Variants in PRKACB observed in about 807,000 individuals in gnomAD.
PRKACB encodes cAMP-dependent protein kinase catalytic subunit beta.
In PRKACB, 16 loss-of-function variants were observed where a neutral mutation model predicts 51.4. The observed-to-expected ratio is 0.31, with a 90% CI of 0.21 to 0.47. The LOEUF is 0.47. Ranked by LOEUF, PRKACB falls within the 20% of genes least tolerant of loss-of-function variation. PRKACB has a pLI of 1.00. For synonymous variants in PRKACB, 147 were observed against 154.4 expected, an observed-to-expected ratio of 0.95 and a Z score of 0.35; for missense variants, 309 against 464.5, an observed-to-expected ratio of 0.67 and a Z score of 3.08.
intron 1 of PRKACB, among the ~76,000 whole-genome samples, chr1:84,152,035 A>G (rs1654913274): frequency 6.6e-6 from 1 of 152,200 alleles, no homozygotes; most frequent in Admixed American, 6.5e-5. Flanking sequence ...GCCTTATAAA[A>G]TATATTTCTT....
chr1:84,165,406 TATTAG>T (rs1353595004), intron 1 of PRKACB, among the ~76,000 whole-genome samples: 2 of 151,824 alleles, frequency 1.3e-5, no homozygotes, highest in Non-Finnish European at 2.9e-5. Flanking sequence ...TGCTAATTTT[TATTAG>T]ATTATTTTTA....
Position 84,097,055 on chromosome 1 carries a change from G to A in PRKACB, c.46+18684G>A, listed in dbSNP as rs572271994. 2.6e-5 allele frequency among the ~76,000 whole-genome samples: 4 copies of A among 152,130 alleles called. No homozygotes were observed. In the South Asian group the frequency reaches 8.3e-4, roughly 32 times the overall value. ...AACATTGTTTGCAAAATTTAGTCCT[G>A]TTGCTGAAGGTAGGGTTCTTTACTT... On this transcript the variant is annotated intron_variant, in intron 1 of 8. Transcript: ENST00000370688.
intron 1 of PRKACB, among the ~76,000 whole-genome samples, chr1:84,125,786 A>G (rs893829891): frequency 6.6e-6 from 1 of 152,216 alleles, no homozygotes; most frequent in African/African-American, 2.4e-5. Flanking sequence ...TCAGACTCAT[A>G]TTCAGCTATC....
intron 9 of PRKACB, among the ~76,000 whole-genome samples, chr1:84,214,630 C>T (rs1349277893): frequency 2.6e-5 from 4 of 151,670 alleles, no homozygotes; most frequent in African/African-American, 4.8e-5. Flanking sequence ...GTAGCTGGGA[C>T]TATGGGTGCA....
intron 8 of PRKACB, among the ~76,000 whole-genome samples, chr1:84,205,869 C>T (rs1297394256): frequency 1.3e-5 from 2 of 151,966 alleles, no homozygotes; most frequent in African/African-American, 4.8e-5. Flanking sequence ...AGGTTTGAGT[C>T]TACAAATTCA....
intron 1 of PRKACB, among the ~76,000 whole-genome samples, chr1:84,088,722 TA>T (rs938275003): frequency 3.9e-5 from 6 of 152,298 alleles, no homozygotes; most frequent in African/African-American, 1.4e-4. Flanking sequence ...AACATTCACT[TA>T]TTTGTCTTTC....
At chr1:84,186,949 C>T (rs928574852) in intron 5 of PRKACB, among the ~76,000 whole-genome samples, 3 of 152,116 alleles carry the variant, frequency 2.0e-5, no homozygotes, top group African/African-American at 7.2e-5. Flanking sequence ...GGACAGCTGC[C>T]TTTACAAAGA....
chr1:84,170,105 G>A (rs763832868), intron 1 of PRKACB, among the ~76,000 whole-genome samples: 1 of 151,600 alleles, frequency 6.6e-6, no homozygotes, highest in Non-Finnish European at 1.5e-5. Context: ...AAAAATTGAA[G>A]TGGTAAATGA....
At chr1:84,153,538 T>C (rs973441258) in intron 1 of PRKACB, among the ~76,000 whole-genome samples, 2 of 152,174 alleles carry the variant, frequency 1.3e-5, no homozygotes, top group Non-Finnish European at 2.9e-5. Flanking sequence ...TTGTACCCTT[T>C]AGCCAACATC....
chr1:84,183,321 C>T (rs1336063085), intron 3 of PRKACB, among the ~76,000 whole-genome samples: 1 of 151,934 alleles, frequency 6.6e-6, no homozygotes, highest in East Asian at 1.9e-4. Flanking sequence ...CTTTCCCCTT[C>T]TATTAAATAG....
chr1:84,156,280 C>T (rs944963348), intron 1 of PRKACB, among the ~76,000 whole-genome samples: 7 of 152,070 alleles, frequency 4.6e-5, no homozygotes, highest in Admixed American at 4.6e-4. Context: ...CAAGCATGAA[C>T]ATATAAGCTA....
chr1:84,146,229 A>G (rs933779232), intron 1 of PRKACB, among the ~76,000 whole-genome samples: 7 of 151,896 alleles, frequency 4.6e-5, no homozygotes, highest in Non-Finnish European at 8.9e-5. Flanking sequence ...GCTGCAAATA[A>G]TATGCATGAT....
At chr1:84,133,752 G>A (rs1278655636) in intron 1 of PRKACB, among the ~76,000 whole-genome samples, 2 of 152,216 alleles carry the variant, frequency 1.3e-5, no homozygotes, top group Non-Finnish European at 2.9e-5. Flanking sequence ...AACTCCATGC[G>A]GGCCATGGCA....
At chr1:84,222,340 G>C (rs1221082180) in intron 9 of PRKACB, among the ~76,000 whole-genome samples, 3 of 152,004 alleles carry the variant, frequency 2.0e-5, no homozygotes, top group African/African-American at 7.2e-5. Flanking sequence ...TTTGTAAGCA[G>C]CATATAGTTA....
At chr1:84,170,499 C>T (rs1659081306) in intron 1 of PRKACB, among the ~76,000 whole-genome samples, 1 of 151,490 alleles carries the variant, frequency 6.6e-6, no homozygotes, top group Non-Finnish European at 1.5e-5. Flanking sequence ...CTAGGAACAA[C>T]CAATAAAACA....
In PRKACB at chr1:84,144,391, C is replaced by G; in HGVS notation, c.30C>G (p.Asn10Lys). MAAYREPPC[N>K]QYTGTTTALQ... is the part of the protein sequence containing the mutation. The stretch of plus-strand genomic sequence containing the variant: ...CAGCTTATAGAGAACCACCTTGTAA[C>G]CAGTATACAGGTACAACTACAGCTC... The change falls in exon 1 of 10, where the codon AAC becomes AAG. Residue 10 changes from asparagine (N) to lysine (K), a missense_variant. Physicochemically the swap from Asn to Lys is moderately conservative, Grantham distance 94 (BLOSUM62 0). Transcript: ENST00000370685. 1.2e-6 allele frequency: 2 copies of G among 1,612,196 alleles called. No homozygotes were observed. The highest frequency in any genetic ancestry group is 2.2e-5 in the South Asian group (2 of 90,822).
At chr1:84,218,984 T>C (rs1673272675) in intron 9 of PRKACB, among the ~76,000 whole-genome samples, 1 of 152,190 alleles carries the variant, frequency 6.6e-6, no homozygotes, top group African/African-American at 2.4e-5. Context: ...TTAATTAGAT[T>C]GTTTATTTTT....
chr1:84,209,959 C>T (rs1671888659), intron 8 of PRKACB, among the ~76,000 whole-genome samples: 1 of 152,178 alleles, frequency 6.6e-6, no homozygotes. Context: ...CAGACCAGTT[C>T]TACATGCTGG....
intron 1 of PRKACB, chr1:84,086,221 G>C: frequency 6.3e-7 from 1 of 1,593,696 alleles, no homozygotes; most frequent in Admixed American, 1.7e-5. Context: ...TCCTGAAGAA[G>C]CTGATTGGCT....
Sources: allele counts gnomAD v4.1 joint callset (sites outside exome capture counted in the v4.1 genomes callset), GRCh38; gene constraint gnomAD v4.1.1; transcripts MANE v1.5; gene names NCBI Gene and HGNC (gene_info 2026-07-23, HGNC 2026-07-21).